Variants in CCDC50 observed in about 807,000 individuals in gnomAD.
The protein encoded by CCDC50 is coiled-coil domain-containing protein 50.
In CCDC50, 54 loss-of-function variants were observed where a neutral mutation model predicts 70.2. The observed-to-expected ratio is 0.77, with a 90% CI of 0.62 to 0.96. The LOEUF (loss-of-function observed/expected upper bound fraction) is 0.96, where lower values mean the gene tolerates loss of function less well. Among genes scored for constraint, CCDC50 ranks in the 50% least tolerant of loss-of-function variants. The pLI is 0.00. For missense variants in CCDC50, 558 were observed against 578.7 expected, an observed-to-expected ratio of 0.96 and a Z score of 0.37; for synonymous variants, 216 against 198.8, an observed-to-expected ratio of 1.09 and a Z score of -0.73.
chr3:191,355,030 CAG>C (rs371386188), intron 1 of CCDC50, among the ~76,000 whole-genome samples: 34 of 152,140 alleles, frequency 2.2e-4, no homozygotes, highest in African/African-American at 7.5e-4. Flanking sequence ...ATCCAAAACT[CAG>C]GGCTATGAGA....
chr3:191,355,756 G>A (rs1426116787), intron 1 of CCDC50, among the ~76,000 whole-genome samples: 20 of 152,182 alleles, frequency 1.3e-4, no homozygotes, highest in Admixed American at 1.2e-3. Context: ...CTTTCTGTTC[G>A]AATTACTGGT....
chr3:191,365,088 A>ATG (rs111869044), intron 4 of CCDC50, among the ~76,000 whole-genome samples: 1,757 of 151,580 alleles, frequency 0.012, 37 homozygotes, highest in African/African-American at 0.04. Context: ...GCATGACTAG[A>ATG]TGTGTGTGTG....
chr3:191,370,161 C>T, intron 5 of CCDC50, 125 bp downstream of exon 5: 2 of 724,744 alleles, frequency 2.8e-6, no homozygotes, highest in East Asian at 5.1e-5. Flanking sequence ...GCACTGGGTA[C>T]ATTTAGATGT....
At position 191,392,299 on chromosome 3, in the gene CCDC50, G is replaced by A. The variant is rs1007255033; in HGVS notation, c.*539G>A. ...CAATTGAAATATGTTATTCTGACTAGATGGACTGTAGAGGTTTTGCATTTC... is the reference window on the plus strand; with the variant it reads ...CAATTGAAATATGTTATTCTGACTAAATGGACTGTAGAGGTTTTGCATTTC... On this transcript the variant is annotated 3_prime_UTR_variant, in exon 12 of 12. Coordinates refer to ENST00000392455, the MANE Select transcript of CCDC50 (RefSeq NM_178335.3). The A allele has an allele frequency of 6.4e-6, 1 of 157,012 alleles. No individual in the cohort carries two copies. The highest frequency in any genetic ancestry group is 6.2e-5 in the Admixed American group (1 of 16,260). The allele number at this position is 157,012 out of a possible 1,614,324, so 9.7% of individuals were successfully genotyped here. A position where few individuals can be genotyped will look rare whatever the true frequency, so the allele number is the denominator to read the frequency against.
chr3:191,374,253 A>G (rs1187260376), intron 5 of CCDC50, among the ~76,000 whole-genome samples: 1 of 152,204 alleles, frequency 6.6e-6, no homozygotes, highest in African/African-American at 2.4e-5. Flanking sequence ...ATTTGGGGAC[A>G]TATACTTAGC....
At position 191,329,942 on chromosome 3, in the gene CCDC50, TGGGG is replaced by T. The variant is rs34226642; in HGVS notation, c.49+230_49+233del. ...GCCCGTTTTTTCTCAAGGGGGTGGT[TGGGG>T]GGGGGGGGGGCTAGCAGCAGCCCCA... is the stretch of plus-strand genomic sequence containing the variant. On this transcript the variant is annotated intron_variant, in intron 1 of 11. Coordinates refer to ENST00000392455, the MANE Select transcript of CCDC50 (RefSeq NM_178335.3). Among the ~76,000 whole-genome samples the T allele has an allele frequency of 1.1e-3, 116 of 102,958 alleles. 1 individual carries two copies. Among genetic ancestry groups the T allele is most frequent in the African/African-American group, 3.3e-3 (111 of 33,284 alleles). 67.5% of individuals were successfully genotyped at this position (102,958 alleles called of 152,430 possible). A position where few individuals can be genotyped will look rare whatever the true frequency, so the allele number is the denominator to read the frequency against.
intron 1 of CCDC50, 25 bp from the exon 2 acceptor site, chr3:191,357,063 T>G: frequency 6.6e-7 from 1 of 1,509,966 alleles, no homozygotes; most frequent in Non-Finnish European, 9.2e-7. Flanking sequence ...AGCCTTCCTG[T>G]CTGTTTTTCC....
chr3:191,340,916 G>T (rs1415050315), intron 1 of CCDC50, among the ~76,000 whole-genome samples: 1 of 152,122 alleles, frequency 6.6e-6, no homozygotes, highest in Non-Finnish European at 1.5e-5. Flanking sequence ...GCTCACTGTG[G>T]CCTCAAGCTC....
intron 1 of CCDC50, among the ~76,000 whole-genome samples, chr3:191,356,205 A>G (rs1387507716): frequency 2.6e-5 from 4 of 152,174 alleles, no homozygotes; most frequent in Admixed American, 6.5e-5. Context: ...AGCACTTTAC[A>G]TGATGAATCC....
In CCDC50 at chr3:191,359,646, A is replaced by G. The variant is rs184912625; in HGVS notation, c.240-1423A>G. On this transcript the variant is annotated intron_variant, in intron 3 of 11. Transcript: ENST00000392455. ...ATGAGGACAGTGGTGACAGAGAGGA[A>G]GGAGATGATGAGGCCTAAATTGAAG... Among the ~76,000 whole-genome samples the G allele has an allele frequency of 1.2e-3, 190 of 152,244 alleles. 1 individual carries two copies. Among genetic ancestry groups the G allele is most frequent in the African/African-American group, 4.2e-3 (175 of 41,562 alleles).
rs1258678713 is a variant in CCDC50, at chr3:191,397,983, G to A, written c.*6223G>A. On this transcript the variant is annotated 3_prime_UTR_variant, in exon 12 of 12. Coordinates refer to ENST00000392455, the MANE Select transcript of CCDC50 (RefSeq NM_178335.3). Reference sequence around the variant, plus strand: ...TTTGTGGATGCCTTAAAGATGACCAGTGGTGGGTTCTGATGGGAATATATA... The same window carrying A: ...TTTGTGGATGCCTTAAAGATGACCAATGGTGGGTTCTGATGGGAATATATA... 6.6e-6 allele frequency: 1 copy of A among 152,240 alleles called. No homozygotes were observed. 9.4% of individuals were successfully genotyped at this position (152,240 alleles called of 1,614,324 possible).
chr3:191,381,290 C>G (rs769333611), intron 9 of CCDC50, among the ~76,000 whole-genome samples: 4 of 152,104 alleles, frequency 2.6e-5, no homozygotes, highest in Non-Finnish European at 5.9e-5. Flanking sequence ...CTTCTCTTCC[C>G]GTCTCTACTT....
chr3:191,346,721 A>G (rs1389819569), intron 1 of CCDC50, among the ~76,000 whole-genome samples: 1 of 152,218 alleles, frequency 6.6e-6, no homozygotes, highest in East Asian at 1.9e-4. Flanking sequence ...TTTTGAAGAC[A>G]GTTTTACCTC....
chr3:191,356,156 G>C (rs1011909383), intron 1 of CCDC50, among the ~76,000 whole-genome samples: 3 of 152,154 alleles, frequency 2.0e-5, no homozygotes, highest in African/African-American at 7.2e-5. Flanking sequence ...GCTTGGAATA[G>C]AGTGAGAACA....
chr3:191,343,287 T>G (rs1275060907), intron 1 of CCDC50, among the ~76,000 whole-genome samples: 2 of 152,204 alleles, frequency 1.3e-5, no homozygotes, highest in South Asian at 4.1e-4. Flanking sequence ...TGTTTAAGAT[T>G]ATTTAGTTGG....
At chr3:191,377,862 G>A (rs912617470) in intron 6 of CCDC50, among the ~76,000 whole-genome samples, 2 of 152,086 alleles carry the variant, frequency 1.3e-5, no homozygotes, top group Non-Finnish European at 2.9e-5. Context: ...TATGGAACTT[G>A]AAAATACCAC....
Position 191,380,923 on chromosome 3 carries a change from C to T in CCDC50, c.1233C>T (p.Pro411=), listed in dbSNP as rs780560171. The T allele has an allele frequency of 1.1e-5, 18 of 1,611,254 alleles. No individual in the cohort carries two copies. The East Asian group carries it at 1.1e-4, about 10-fold the overall frequency. The part of the protein sequence containing the change: ...KSSLDKRKQD[P]EWKPKTAKAA... ...CTTTGGACAAAAGAAAGCAAGACCC[C>T]GAGTGGAAGGTAGAGTGTGTTTTGT... Residue 411 remains proline (P), a synonymous_variant, in exon 9 of 12, where the codon CCC becomes CCT. Transcript: ENST00000392455.
In CCDC50 at chr3:191,382,789, A is replaced by G; in HGVS notation, c.1286A>G (p.Asp429Gly). The G allele has an allele frequency of 6.2e-7, 1 of 1,613,256 alleles. No homozygotes were observed. The highest frequency in any genetic ancestry group is 1.1e-5 in the South Asian group (1 of 91,076). ...KAANSKSKES[D>G]EPHHSKNERP... ...GCAAATTCCAAGTCAAAAGAGAGTGATGAACCTCACCATTCTAAGAATGAA... is the reference window on the plus strand; with the variant it reads ...GCAAATTCCAAGTCAAAAGAGAGTGGTGAACCTCACCATTCTAAGAATGAA... Residue 429 changes from aspartate (D) to glycine (G), a missense_variant, in exon 10 of 12, where the codon GAT becomes GGT. Asp to Gly is a moderately conservative substitution (Grantham distance 94). Coordinates refer to ENST00000392455, the MANE Select transcript of CCDC50 (RefSeq NM_178335.3).
chr3:191,396,067 C>T lies in CCDC50; in HGVS notation c.*4307C>T, dbSNP rs1196821329. ...ATTAAAGAGTCAGGATATTGTTGCT[C>T]CTGGTATTTAACAACTGTCATTAGA... On this transcript the variant is annotated 3_prime_UTR_variant, in exon 12 of 12. Coordinates refer to ENST00000392455, the MANE Select transcript of CCDC50 (RefSeq NM_178335.3). The T allele has an allele frequency of 6.6e-6, 1 of 152,000 alleles. No homozygotes were observed. Among genetic ancestry groups the T allele is most frequent in the South Asian group, 2.1e-4 (1 of 4,818 alleles). The allele number at this position is 152,000 out of a possible 1,614,324, so 9.4% of individuals were successfully genotyped here.
Sources: allele counts gnomAD v4.1 joint callset (sites outside exome capture counted in the v4.1 genomes callset), GRCh38; gene constraint gnomAD v4.1.1; transcripts MANE v1.5; gene names NCBI Gene and HGNC (gene_info 2026-07-23, HGNC 2026-07-21).